ATRX: variants seen among roughly 807,000 people sequenced by gnomAD.
ATRX encodes chromatin remodeler ATRX.
Under a neutral mutation model 172.6 loss-of-function variants are expected in ATRX, and 12 were observed. The ratio of observed to expected loss-of-function variants is 0.07; its 90% CI spans 0.04 to 0.11. The LOEUF (loss-of-function observed/expected upper bound fraction) is 0.11, where lower values mean the gene tolerates loss of function less well. ATRX is among the 10% of genes least tolerant of loss of function. The pLI is 1.00. For missense variants in ATRX, 1,368 were observed against 1,767.4 expected, an observed-to-expected ratio of 0.77 and a Z score of 4.05; for synonymous variants, 674 against 594.7, an observed-to-expected ratio of 1.13 and a Z score of -1.94.
At chrX:77,666,887 T>C (rs1557126564) in intron 10 of ATRX, among the ~76,000 whole-genome samples, 2 of 111,946 alleles carry the variant, frequency 1.8e-5, no homozygotes, top group African/African-American at 6.5e-5. Context: ...ATGTTTATTA[T>C]AATGTTGTCT....
chrX:77,599,870 C>G (rs947583866), intron 23 of ATRX, 50 bp from the exon 24 acceptor site: 6 of 977,815 alleles, frequency 6.1e-6, no homozygotes, highest in Non-Finnish European at 8.7e-6. Flanking sequence ...TCAACTTACA[C>G]TGGAAATTAT....
chrX:77,598,318 AACTAACT>A (rs1340776669), intron 25 of ATRX, among the ~76,000 whole-genome samples: 1 of 111,048 alleles, frequency 9.0e-6, no homozygotes, highest in Non-Finnish European at 1.9e-5. Flanking sequence ...AAGACTGAAA[AACTAACT>A]ACTGAGTACT....
chrX:77,780,896 G>A (rs2076545632), intron 1 of ATRX, among the ~76,000 whole-genome samples: 2 of 110,712 alleles, frequency 1.8e-5, no homozygotes, highest in Non-Finnish European at 3.8e-5. Context: ...GCCATGTTCA[G>A]TGTCACTGCA....
chrX:77,625,350 C>T (rs1202882335), intron 19 of ATRX, among the ~76,000 whole-genome samples: 1 of 112,297 alleles, frequency 8.9e-6, no homozygotes, highest in African/African-American at 3.2e-5. Context: ...ATTTCATGGT[C>T]AAGAACCCAA....
intron 34 of ATRX, among the ~76,000 whole-genome samples, chrX:77,515,281 TATA>T (rs1230344121): frequency 9.0e-6 from 1 of 111,642 alleles, no homozygotes; most frequent in Non-Finnish European, 1.9e-5. Flanking sequence ...ATTGTTCTAT[TATA>T]ATGACACACG....
chrX:77,542,087 C>T (rs1204905086), intron 30 of ATRX, among the ~76,000 whole-genome samples: 1 of 112,075 alleles, frequency 8.9e-6, no homozygotes, highest in East Asian at 2.8e-4. Context: ...AGCCCAAAAT[C>T]TCCTTAAGCT....
At position 77,664,762 on chromosome X, in the gene ATRX, G is replaced by C. The variant is rs1557125249; in HGVS notation, c.3826C>G (p.Leu1276Val). The change falls in exon 11 of 35, where the codon CTT (leucine) becomes GTT (valine). Residue 1276 changes from leucine (L) to valine (V), a missense_variant. Around this residue, in one of 17 missense-constraint regions of ATRX, gnomAD observed 119 missense variants for 131.3 expected, o/e 0.91. Transcript: ENST00000373344. The part of the protein sequence containing the change: ...DPENRIAKKM[L>V]LEEIKANLSS... The stretch of plus-strand genomic sequence containing the variant: ...AGATTGGCTTTAATTTCTTCTAAAA[G>C]CATCTTCTTGGCAATTCTTGAGAGT... 8.3e-7 allele frequency: 1 copy of C among 1,203,868 alleles called. No homozygotes were observed. The highest frequency in any genetic ancestry group is 2.2e-5 in the Admixed American group (1 of 45,712).
At chrX:77,603,532 AT>A (rs35174330) in intron 22 of ATRX, among the ~76,000 whole-genome samples, 95 of 94,665 alleles carry the variant, frequency 1.0e-3, no homozygotes, top group African/African-American at 2.5e-3. Flanking sequence ...TGCTCGGCTA[AT>A]TTTTTTTTTT....
chrX:77,696,866 T>G (rs191284217), intron 4 of ATRX, among the ~76,000 whole-genome samples, 162 bp from the exon 5 acceptor site: 5 of 111,718 alleles, frequency 4.5e-5, no homozygotes, highest in Admixed American at 1.9e-4. Context: ...TCACTGAAGA[T>G]TATGATTCAG....
chrX:77,563,702 CGTGTGTGTGTGT>C (rs201190876), intron 28 of ATRX, among the ~76,000 whole-genome samples: 132 of 95,512 alleles, frequency 1.4e-3, no homozygotes, highest in African/African-American at 4.3e-3. Context: ...TGTGTACATG[CGTGTGTGTGTGT>C]GTGTGTGTGT....
Position 77,599,624 on chromosome X carries a change from G to A in ATRX, c.5787-44C>T, listed in dbSNP as rs1257512824. ...ACAAACAAAAAAACACATTCAGATT[G>A]TTAGAAAAGCATAGGAAAGATGTAA... On this transcript the variant is annotated intron_variant, in intron 24 of 34. Transcript: ENST00000373344. The A allele has an allele frequency of 2.5e-6, 3 of 1,200,397 alleles. No homozygotes were observed. In the African/African-American group the frequency reaches 5.3e-5, roughly 21 times the overall value.
At chrX:77,523,727 A>C (rs1162058581) in intron 30 of ATRX, among the ~76,000 whole-genome samples, 2 of 111,770 alleles carry the variant, frequency 1.8e-5, no homozygotes, top group East Asian at 5.6e-4. Flanking sequence ...ATGCTAACAT[A>C]AGTCTGCTTA....
chrX:77,647,712 T>C (rs182838608), intron 15 of ATRX, among the ~76,000 whole-genome samples: 84 of 111,964 alleles, frequency 7.5e-4, no homozygotes, highest in African/African-American at 1.6e-3. Context: ...AACACATAAA[T>C]ATTGAACTTT....
chrX:77,535,971 C>A (rs2063736345), intron 30 of ATRX, among the ~76,000 whole-genome samples: 1 of 108,802 alleles, frequency 9.2e-6, no homozygotes, highest in Non-Finnish European at 1.9e-5. Context: ...AACCCCTGAC[C>A]TCAAGTGATC....
At chrX:77,536,553 T>C (rs1557048409) in intron 30 of ATRX, among the ~76,000 whole-genome samples, 2 of 112,014 alleles carry the variant, frequency 1.8e-5, no homozygotes, top group African/African-American at 3.2e-5. Flanking sequence ...AGGATATTAA[T>C]ATACAGATAC....
chrX:77,706,347 A>C (rs983298406), intron 2 of ATRX, among the ~76,000 whole-genome samples: 2 of 110,769 alleles, frequency 1.8e-5, no homozygotes, highest in Admixed American at 9.7e-5. Context: ...TCTTTCAATA[A>C]ATGGTGCTGA....
At chrX:77,762,547 C>T (rs2075758354) in intron 1 of ATRX, among the ~76,000 whole-genome samples, 1 of 110,802 alleles carries the variant, frequency 9.0e-6, no homozygotes, top group Admixed American at 9.7e-5. Flanking sequence ...TGTGGAACTT[C>T]AGATATAACA....
chrX:77,604,179 CA>C (rs782176241), intron 22 of ATRX, among the ~76,000 whole-genome samples: 2 of 111,900 alleles, frequency 1.8e-5, no homozygotes, highest in Admixed American at 1.9e-4. Flanking sequence ...TAAAAAGCAG[CA>C]AAAGAAATAA....
chrX:77,572,944 C>T (rs1557068367), intron 28 of ATRX, among the ~76,000 whole-genome samples: 1 of 111,671 alleles, frequency 9.0e-6, no homozygotes, highest in Non-Finnish European at 1.9e-5. Flanking sequence ...ATGTTTTAAA[C>T]ACACAGTATA....
Sources: allele counts gnomAD v4.1 joint callset (sites outside exome capture counted in the v4.1 genomes callset), GRCh38; gene constraint gnomAD v4.1.1; regional missense constraint gnomAD v4.1.1; transcripts MANE v1.5; gene names NCBI Gene and HGNC (gene_info 2026-07-23, HGNC 2026-07-21).